The following NKTR variants were observed in gnomAD, a reference collection of about 807,000 sequenced individuals.
NKTR encodes the protein natural killer cell triggering receptor.
In NKTR, 67 loss-of-function variants were observed where a neutral mutation model predicts 156.3. The ratio of observed to expected loss-of-function variants is 0.43; its 90% CI spans 0.35 to 0.53. NKTR has a LOEUF of 0.53. Among genes scored for constraint, NKTR ranks in the 20% least tolerant of loss-of-function variants. The pLI, the probability that NKTR is intolerant of heterozygous loss-of-function variation, is 0.01. For synonymous variants in NKTR, 640 were observed against 596.6 expected, an observed-to-expected ratio of 1.07 and a Z score of -1.06; for missense variants, 1,604 against 1,730.9, an observed-to-expected ratio of 0.93 and a Z score of 1.30.
At chr3:42,618,371 T>A (rs980444463) in intron 3 of NKTR, among the ~76,000 whole-genome samples, 5 of 149,118 alleles carry the variant, frequency 3.4e-5, no homozygotes, top group African/African-American at 1.2e-4. Context: ...AAAAAAAAAA[T>A]TAGAACACAC....
chr3:42,600,941 C>A, intron 1 of NKTR, 43 bp from the exon 2 acceptor site: 1 of 1,278,488 alleles, frequency 7.8e-7, no homozygotes. Context: ...CTCGCCCCCG[C>A]CCTCGCCCCT....
At chr3:42,601,213 G>A (rs1422660276) in intron 2 of NKTR, 149 bp downstream of exon 2, 4 of 591,118 alleles carry the variant, frequency 6.8e-6, no homozygotes, top group Admixed American at 3.5e-5. Flanking sequence ...AAAATCAGTG[G>A]GAGAGGAAGG....
intron 2 of NKTR, chr3:42,610,981 TCTTC>T (rs1363210395): frequency 2.0e-5 from 3 of 152,204 alleles, no homozygotes; most frequent in Non-Finnish European, 2.9e-5. Context: ...ATTTTGGTAT[TCTTC>T]CTTTTATCTT....
Position 42,632,616 on chromosome 3 carries a change from G to C in NKTR, c.566G>C (p.Arg189Thr), listed in dbSNP as rs764842998. The C allele has an allele frequency of 6.2e-7, 1 of 1,600,620 alleles. No homozygotes were observed. The highest frequency in any genetic ancestry group is 8.5e-7 in the Non-Finnish European group (1 of 1,175,982). The part of the protein sequence containing the change: ...KSIKDVFEKK[R>T]KKPTHSEGSD... ...TTCTTAAAAGTTTTTGAGAAAAAAA[G>C]GAAGAAACCAACTCATTCAGAAGGC... The change falls in exon 9 of 17, where the codon AGG (arginine) becomes ACG (threonine). Residue 189 changes from arginine to threonine, a missense_variant. Coordinates refer to ENST00000232978, the MANE Select transcript of NKTR (RefSeq NM_005385.4).
chr3:42,600,986 C>G lies in NKTR; in HGVS notation c.-21C>G. On this transcript the variant is annotated splice_region_variant and 5_prime_UTR_variant, in exon 2 of 17. Coordinates refer to ENST00000232978, the MANE Select transcript of NKTR (RefSeq NM_005385.4). The stretch of plus-strand genomic sequence containing the variant: ...GCTTTTCTCCCCCTCTCTCCCAGCT[C>G]TTGCCGCCACCTCGGTCGCGATGGG... 6.5e-7 allele frequency: 1 copy of G among 1,549,600 alleles called. No individual in the cohort carries two copies. The highest frequency in any genetic ancestry group is 8.7e-7 in the Non-Finnish European group (1 of 1,149,486).
At chr3:42,601,538 C>G (rs1427772335) in intron 2 of NKTR, 2 of 152,424 alleles carry the variant, frequency 1.3e-5, no homozygotes, top group Admixed American at 1.3e-4. Flanking sequence ...TTCGTGGTTC[C>G]TGGGAAAATG....
chr3:42,615,849 T>C (rs1447461963), intron 2 of NKTR, among the ~76,000 whole-genome samples: 1 of 152,152 alleles, frequency 6.6e-6, no homozygotes, highest in African/African-American at 2.4e-5. Flanking sequence ...ATAGTTACTA[T>C]TACTGATATT....
At chr3:42,627,536 T>A in intron 6 of NKTR, 2 of 984,998 alleles carry the variant, frequency 2.0e-6, no homozygotes, top group Non-Finnish European at 2.4e-6. Context: ...GGCAAAAGGT[T>A]CTCTGATAAT....
At chr3:42,604,348 A>C (rs1272997872) in intron 2 of NKTR, among the ~76,000 whole-genome samples, 1 of 151,458 alleles carries the variant, frequency 6.6e-6, no homozygotes, top group Non-Finnish European at 1.5e-5. Context: ...CTAGTTTCTT[A>C]ATGTTGAAGC....
At chr3:42,631,815 C>G (rs952195475) in intron 8 of NKTR, among the ~76,000 whole-genome samples, 1 of 152,154 alleles carries the variant, frequency 6.6e-6, no homozygotes, top group Non-Finnish European at 1.5e-5. Context: ...TCTCTAAACT[C>G]TTTTCCCTTA....
At chr3:42,619,229 T>C (rs1707690348) in intron 4 of NKTR, 102 bp downstream of exon 4, 2 of 1,534,470 alleles carry the variant, frequency 1.3e-6, no homozygotes, top group Non-Finnish European at 1.7e-6. Context: ...CAGTATGATA[T>C]AAAATGTGGT....
At position 42,617,621 on chromosome 3, in the gene NKTR, A is replaced by G; in HGVS notation, c.110A>G (p.Lys37Arg). 2 of 1,600,896 alleles carry G rather than the reference A, an allele frequency of 1.2e-6. No individual in the cohort carries two copies. Among genetic ancestry groups the G allele is most frequent in the South Asian group, 1.1e-5 (1 of 90,774 alleles). Reference sequence around the variant, plus strand: ...TCAGACATATGTCCAAAAACATGCAAAAACTTCCTTTGCTTGTGCTCAGGT... The same window carrying G: ...TCAGACATATGTCCAAAAACATGCAGAAACTTCCTTTGCTTGTGCTCAGGT... ...LFSDICPKTC[K>R]NFLCLCSGEK... Residue 37 changes from lysine (K) to arginine (R), a missense_variant, in exon 3 of 17, where the codon AAA becomes AGA. Coordinates refer to ENST00000232978, the MANE Select transcript of NKTR (RefSeq NM_005385.4).
At position 42,643,335 on chromosome 3, in the gene NKTR, T is replaced by C. The variant is rs1459484750; in HGVS notation, c.4143-4T>C. The C allele has an allele frequency of 6.2e-7, 1 of 1,613,280 alleles. No homozygotes were observed. The highest frequency in any genetic ancestry group is 2.2e-5 in the East Asian group (1 of 44,882). ...ATGATGGTCCTTCATGTGATTAATA[T>C]TAGGACGTCCAGCAGGAGCAGATCC... is the stretch of plus-strand genomic sequence containing the variant. On this transcript the variant is annotated splice_region_variant and splice_polypyrimidine_tract_variant and intron_variant, in intron 14 of 16. Coordinates refer to ENST00000232978, the MANE Select transcript of NKTR (RefSeq NM_005385.4).
At chr3:42,627,688 C>T (rs776270320) in intron 6 of NKTR, 120 of 983,476 alleles carry the variant, frequency 1.2e-4, no homozygotes, top group Non-Finnish European at 1.4e-4. Flanking sequence ...TCTTTAAGTA[C>T]AAGAGAAAAA....
Position 42,636,990 on chromosome 3 carries a change from A to G in NKTR, c.1286A>G (p.Lys429Arg). 1 of 1,613,500 alleles carries G rather than the reference A, an allele frequency of 6.2e-7. No individual in the cohort carries two copies. The change falls in exon 13 of 17, where the codon AAA (lysine) becomes AGA (arginine). Residue 429 changes from lysine to arginine, a missense_variant. By Grantham distance (26) the Lys-to-Arg change is conservative (BLOSUM62 2). Around this residue, in one of 6 missense-constraint regions of NKTR, gnomAD observed 1,255 missense variants for 1,243.7 expected, o/e 1.01. Transcript: ENST00000232978. ...GCAAGACACTCTGGCCACCATAAAA[A>G]ACGCAGAAAAGAAAAAAAGGTTAAG... is the stretch of plus-strand genomic sequence containing the variant. ...STARHSGHHK[K>R]RRKEKKVKHK...
chr3:42,640,837 C>A (rs922006635), intron 13 of NKTR, among the ~76,000 whole-genome samples: 1 of 152,230 alleles, frequency 6.6e-6, no homozygotes, highest in Non-Finnish European at 1.5e-5. Flanking sequence ...TTCTAGGCTT[C>A]TCTTCTTCCT....
At chr3:42,603,534 A>G (rs1424418438) in intron 2 of NKTR, among the ~76,000 whole-genome samples, 4 of 152,150 alleles carry the variant, frequency 2.6e-5, no homozygotes, top group Non-Finnish European at 5.9e-5. Context: ...ATTCCTCAAC[A>G]TCCAAGGCAA....
At chr3:42,632,539 T>A in intron 8 of NKTR, 62 bp from the exon 9 acceptor site, 1 of 1,002,650 alleles carries the variant, frequency 1.0e-6, no homozygotes, top group East Asian at 2.5e-5. Context: ...TAATCACATT[T>A]TTTACTCTGA....
chr3:42,636,035 G>A (rs978197804), intron 12 of NKTR, among the ~76,000 whole-genome samples: 8 of 152,168 alleles, frequency 5.3e-5, no homozygotes, highest in East Asian at 1.9e-4. Context: ...ACTGTTGATC[G>A]CAGAGACTTG....
Sources: allele counts gnomAD v4.1 joint callset (sites outside exome capture counted in the v4.1 genomes callset), GRCh38; gene constraint gnomAD v4.1.1; regional missense constraint gnomAD v4.1.1; transcripts MANE v1.5; gene names NCBI Gene and HGNC (gene_info 2026-07-23, HGNC 2026-07-21).